The following LRMDA variants were observed in gnomAD, a reference collection of about 807,000 sequenced individuals.
LRMDA encodes the protein leucine-rich melanocyte differentiation-associated protein.
Under a neutral mutation model 29.8 loss-of-function variants are expected in LRMDA, and 18 were observed. That is an observed-to-expected ratio of 0.60 (90% CI 0.42 to 0.90). The LOEUF (loss-of-function observed/expected upper bound fraction) is 0.90, where lower values mean the gene tolerates loss of function less well. Among genes scored for constraint, LRMDA ranks in the 40% least tolerant of loss-of-function variants. The pLI is 0.00. For missense variants in LRMDA, 273 were observed against 273.9 expected, an observed-to-expected ratio of 1.00 and a Z score of 0.02; for synonymous variants, 125 against 109.4, an observed-to-expected ratio of 1.14 and a Z score of -0.89.
At chr10:76,044,999 T>C (rs4746353) in intron 3 of LRMDA, among the ~76,000 whole-genome samples, 62,861 of 149,682 alleles carry the variant, frequency 0.42, 13,926 homozygotes, top group Non-Finnish European at 0.46. Flanking sequence ...TTGCTAGTTT[T>C]TCCCCTCTCT....
intron 5 of LRMDA, among the ~76,000 whole-genome samples, chr10:76,180,530 C>T (rs889078398): frequency 2.0e-5 from 3 of 151,982 alleles, no homozygotes; most frequent in Non-Finnish European, 2.9e-5. Context: ...CCTCCTGCCT[C>T]GGCCTCCCAT....
chr10:75,746,019 A>G (rs570558904), intron 2 of LRMDA, among the ~76,000 whole-genome samples: 2 of 152,308 alleles, frequency 1.3e-5, no homozygotes, highest in South Asian at 2.1e-4. Context: ...AACCTCAACT[A>G]CTTGGTTAAG....
At chr10:75,904,884 A>G (rs1272503367) in intron 2 of LRMDA, among the ~76,000 whole-genome samples, 3 of 152,148 alleles carry the variant, frequency 2.0e-5, no homozygotes. Context: ...AAGTTCGATT[A>G]TTAGTGACAG....
At chr10:76,339,063 G>T (rs1354667178) in intron 6 of LRMDA, among the ~76,000 whole-genome samples, 2 of 152,080 alleles carry the variant, frequency 1.3e-5, no homozygotes, top group African/African-American at 4.8e-5. Flanking sequence ...ACAGCTAAAT[G>T]AATGGACTTT....
At chr10:75,869,082 T>TG (rs749573809) in intron 2 of LRMDA, among the ~76,000 whole-genome samples, 2 of 152,154 alleles carry the variant, frequency 1.3e-5, no homozygotes, top group East Asian at 3.9e-4. Context: ...TATGAAGGGA[T>TG]GGGGGTCTAG....
intron 2 of LRMDA, among the ~76,000 whole-genome samples, chr10:75,954,285 G>A (rs1023783778): frequency 3.3e-5 from 5 of 152,212 alleles, no homozygotes; most frequent in Admixed American, 1.3e-4. Context: ...GGGTGGAGCA[G>A]TTGTGTGCAG....
In LRMDA at chr10:76,031,693, C is replaced by T. The variant is rs183698921; in HGVS notation, c.132-4315C>T. Among the ~76,000 whole-genome samples the T allele has an allele frequency of 3.3e-5, 5 of 152,188 alleles. No individual in the cohort carries two copies. In the East Asian group the frequency reaches 9.7e-4, roughly 29 times the overall value. On this transcript the variant is annotated intron_variant, in intron 2 of 6. Transcript: ENST00000611255. ...TAGTAGACATCAGACCCAGGTTAGG[C>T]CCTTTAGAACTTCCATGGCCACACC...
intron 2 of LRMDA, chr10:75,782,613 T>C: frequency 1.7e-6 from 1 of 582,186 alleles, no homozygotes; most frequent in Non-Finnish European, 2.2e-6. Context: ...AGAGATGTTT[T>C]TCCCTTGGGT....
At chr10:76,480,495 G>A (rs1842723760) in intron 6 of LRMDA, among the ~76,000 whole-genome samples, 1 of 151,958 alleles carries the variant, frequency 6.6e-6, no homozygotes, top group South Asian at 2.1e-4. Flanking sequence ...TGTTGAAACT[G>A]AGGTTAAGAT....
intron 2 of LRMDA, among the ~76,000 whole-genome samples, chr10:75,452,200 G>C (rs1564774682): frequency 6.6e-6 from 1 of 152,142 alleles, no homozygotes. Context: ...GGATTTGCCT[G>C]GGGTCCTGGG....
intron 5 of LRMDA, among the ~76,000 whole-genome samples, chr10:76,169,777 G>GA (rs964956341): frequency 2.0e-5 from 3 of 152,152 alleles, no homozygotes; most frequent in African/African-American, 7.2e-5. Flanking sequence ...AAAAGCTAGT[G>GA]AAAAAAGATT....
chr10:75,790,175 C>T (rs1405723809), intron 2 of LRMDA, among the ~76,000 whole-genome samples: 1 of 152,094 alleles, frequency 6.6e-6, no homozygotes, highest in Non-Finnish European at 1.5e-5. Context: ...TGGGGGCCGT[C>T]CTGTGCATTG....
intron 6 of LRMDA, among the ~76,000 whole-genome samples, chr10:76,423,824 T>C (rs1842094829): frequency 6.6e-6 from 1 of 152,192 alleles, no homozygotes. Context: ...GTGTTTGTTA[T>C]AGAAAACCAA....
chr10:76,207,177 T>TA (rs11382547), intron 5 of LRMDA, among the ~76,000 whole-genome samples: 40,918 of 152,130 alleles, frequency 0.27, 6,336 homozygotes, highest in East Asian at 0.6. Context: ...GGTGCTAACC[T>TA]ACCATTGTAC....
At chr10:75,914,197 G>A (rs973102680) in intron 2 of LRMDA, among the ~76,000 whole-genome samples, 7 of 152,080 alleles carry the variant, frequency 4.6e-5, no homozygotes, top group Non-Finnish European at 1.0e-4. Context: ...CTTGTAAAAG[G>A]ATCAAAAAAG....
chr10:75,718,761 A>G (rs1294317731), intron 2 of LRMDA, among the ~76,000 whole-genome samples: 1 of 152,222 alleles, frequency 6.6e-6, no homozygotes, highest in Non-Finnish European at 1.5e-5. Flanking sequence ...TAAAAAATTA[A>G]AAGTGGAATT....
At chr10:75,544,595 C>T (rs1840055252) in intron 2 of LRMDA, among the ~76,000 whole-genome samples, 1 of 152,156 alleles carries the variant, frequency 6.6e-6, no homozygotes, top group Admixed American at 6.5e-5. Flanking sequence ...AGTTGGCCCT[C>T]CCCTGACCTT....
chr10:75,710,411 G>A (rs1394978847), intron 2 of LRMDA, among the ~76,000 whole-genome samples: 1 of 152,198 alleles, frequency 6.6e-6, no homozygotes, highest in Non-Finnish European at 1.5e-5. Context: ...TCCAGTACTA[G>A]GCGTGATGCT....
chr10:76,361,041 G>T (rs943055964), intron 6 of LRMDA, among the ~76,000 whole-genome samples: 1 of 152,022 alleles, frequency 6.6e-6, no homozygotes, highest in Non-Finnish European at 1.5e-5. Context: ...CAGGTGGATC[G>T]CTGGACGTCA....
Sources: gnomAD v4.1 joint callset for allele counts (sites outside exome capture counted in the v4.1 genomes callset) on GRCh38, gnomAD v4.1.1 for gene constraint, MANE v1.5 for transcripts, NCBI Gene and HGNC (gene_info 2026-07-23, HGNC 2026-07-21) for gene names.